POLH: variants seen among roughly 807,000 people sequenced by gnomAD.
POLH encodes DNA polymerase eta.
In POLH, 53 loss-of-function variants were observed where a neutral mutation model predicts 73.6. The observed-to-expected ratio is 0.72, with a 90% CI of 0.58 to 0.91. POLH has a LOEUF of 0.91. Among genes scored for constraint, POLH ranks in the 40% least tolerant of loss-of-function variants. The pLI, the probability that POLH is intolerant of heterozygous loss-of-function variation, is 0.00. For synonymous variants in POLH, 292 were observed against 308.5 expected, an observed-to-expected ratio of 0.95 and a Z score of 0.56; for missense variants, 768 against 865.4, an observed-to-expected ratio of 0.89 and a Z score of 1.41.
chr6:43,608,957 T>C (rs1767591635), intron 9 of POLH, among the ~76,000 whole-genome samples: 1 of 152,236 alleles, frequency 6.6e-6, no homozygotes, highest in Non-Finnish European at 1.5e-5. Flanking sequence ...TCCACTTCAC[T>C]GGCCTCCTTC....
At chr6:43,606,716 A>T (rs1460989012) in intron 9 of POLH, among the ~76,000 whole-genome samples, 1 of 152,200 alleles carries the variant, frequency 6.6e-6, no homozygotes, top group Non-Finnish European at 1.5e-5. Context: ...GGCATGAGCC[A>T]CCGCACCCGG....
rs568366057 is a variant in POLH, at chr6:43,617,743, C to A, written c.*3186C>A. Among the ~76,000 whole-genome samples, 1 of 152,222 alleles carries A rather than the reference C, an allele frequency of 6.6e-6. No homozygotes were observed. Among genetic ancestry groups the A allele is most frequent in the South Asian group, 2.1e-4 (1 of 4,822 alleles). ...AAGAGATCAAGGCCATCCTGGCCAA[C>A]ATGGTGAAACCCCGTCTCTACTGAA... On this transcript the variant is annotated 3_prime_UTR_variant, in exon 11 of 11. Transcript: ENST00000372236.
At position 43,614,408 on chromosome 6, in the gene POLH, C is replaced by A; in HGVS notation, c.1993C>A (p.Gln665Lys). ...ATTGGAGTTGCAGAAATCCTTTTTG[C>A]AGCCCCACTCTTCAAACCCCCAGGT... is the stretch of plus-strand genomic sequence containing the variant. ...FALELQKSFL[Q>K]PHSSNPQVVS... The change falls in exon 11 of 11, where the codon CAG (glutamine) becomes AAG (lysine). Residue 665 changes from glutamine (Q) to lysine (K), a missense_variant. Coordinates refer to ENST00000372236, the MANE Select transcript of POLH (RefSeq NM_006502.3). 1 of 1,614,098 alleles carries A rather than the reference C, an allele frequency of 6.2e-7. No homozygotes were observed. The highest frequency in any genetic ancestry group is 8.5e-7 in the Non-Finnish European group (1 of 1,180,004).
Position 43,604,881 on chromosome 6 carries a change from T to C in POLH, c.1008+143T>C, listed in dbSNP as rs1440093956. 6 of 872,620 alleles carry C rather than the reference T, an allele frequency of 6.9e-6. No individual in the cohort carries two copies. In the Admixed American group the frequency reaches 1.2e-4, roughly 18 times the overall value. The allele number at this position is 872,620 out of a possible 1,614,324, so 54.1% of individuals were successfully genotyped here. A position where few individuals can be genotyped will look rare whatever the true frequency, so the allele number is the denominator to read the frequency against. On this transcript the variant is annotated intron_variant, in intron 8 of 10. Coordinates refer to ENST00000372236, the MANE Select transcript of POLH (RefSeq NM_006502.3). Reference sequence around the variant, plus strand: ...GATGTTCTGTCCTTGGGTTGAAAATTGACTAGTTTATGATTATTACTTTTT... The same window carrying C: ...GATGTTCTGTCCTTGGGTTGAAAATCGACTAGTTTATGATTATTACTTTTT...
intron 4 of POLH, among the ~76,000 whole-genome samples, chr6:43,596,765 GTTC>G (rs9333538): frequency 0.036 from 5,468 of 152,254 alleles, 337 homozygotes; most frequent in African/African-American, 0.12. Context: ...GTCAGGAAAA[GTTC>G]TTCTGTAGGG....
chr6:43,599,218 A>G (rs1222978354), intron 5 of POLH, among the ~76,000 whole-genome samples: 2 of 151,834 alleles, frequency 1.3e-5, no homozygotes, highest in Admixed American at 1.3e-4. Flanking sequence ...GGAACTCCTG[A>G]CCTCAAGTGA....
chr6:43,597,395 G>A (rs1049551168), intron 4 of POLH, among the ~76,000 whole-genome samples: 7 of 152,190 alleles, frequency 4.6e-5, no homozygotes, highest in East Asian at 3.8e-4. Context: ...GATTACAGGC[G>A]TGAGCCACCG....
chr6:43,600,519 A>G lies in POLH; in HGVS notation c.661-469A>G, dbSNP rs146466134. On this transcript the variant is annotated intron_variant, in intron 5 of 10. Coordinates refer to ENST00000372236, the MANE Select transcript of POLH (RefSeq NM_006502.3). ...GAGGGTGGTTTTGAGCCCAATCTCTATAACAGATACTATATTATGATAATT... is the reference window on the plus strand; with the variant it reads ...GAGGGTGGTTTTGAGCCCAATCTCTGTAACAGATACTATATTATGATAATT... Among the ~76,000 whole-genome samples, 43 of 152,360 alleles carry G rather than the reference A, an allele frequency of 2.8e-4. 1 individual carries two copies. In the East Asian group the frequency reaches 6.4e-3, roughly 23 times the overall value.
At chr6:43,577,856 G>A (rs1246920329) in intron 1 of POLH, among the ~76,000 whole-genome samples, 2 of 152,054 alleles carry the variant, frequency 1.3e-5, no homozygotes, top group African/African-American at 2.4e-5. Context: ...AGGCCGAGGC[G>A]GGCGGATCAC....
rs564401345 is a variant in POLH, at chr6:43,587,539, T to C, written c.490+50T>C. On this transcript the variant is annotated intron_variant, in intron 4 of 10. Transcript: ENST00000372236. Reference sequence around the variant, plus strand: ...TCTGCTTCCTGCCTTTGGAACCTGCTTTGCTTGGTCATGCTGATTCTCCTT... The same window carrying C: ...TCTGCTTCCTGCCTTTGGAACCTGCCTTGCTTGGTCATGCTGATTCTCCTT... 6.9e-6 allele frequency: 9 copies of C among 1,299,128 alleles called. No homozygotes were observed. The African/African-American group carries it at 1.0e-4, about 15-fold the overall frequency. 80.5% of individuals were successfully genotyped at this position (1,299,128 alleles called of 1,614,324 possible).
In POLH at chr6:43,582,948, C is replaced by G. The variant is rs2307463; in HGVS notation, c.138-59C>G. On this transcript the variant is annotated intron_variant, in intron 2 of 10. Transcript: ENST00000372236. The stretch of plus-strand genomic sequence containing the variant: ...TATAGATTACTTGTGTTAAATGTTA[C>G]TTGTTTTTGCTTGTGATCATATAAT... 829 of 1,428,996 alleles carry G rather than the reference C, an allele frequency of 5.8e-4. 7 individuals carry two copies. In the African/African-American group the frequency reaches 9.7e-3, roughly 17 times the overall value. 88.5% of individuals were successfully genotyped at this position (1,428,996 alleles called of 1,614,324 possible). A position where few individuals can be genotyped will look rare whatever the true frequency, so the allele number is the denominator to read the frequency against.
rs529700299 is a variant in POLH at position 43,617,002 on chromosome 6, C to T, written c.*2445C>T. Reference sequence around the variant, plus strand: ...GTCAGGAGTTCAAGACAAGCATGGCCAACATGGCGAAACCCTGTATCTACT... The same window carrying T: ...GTCAGGAGTTCAAGACAAGCATGGCTAACATGGCGAAACCCTGTATCTACT... On this transcript the variant is annotated 3_prime_UTR_variant, in exon 11 of 11. Coordinates refer to ENST00000372236, the MANE Select transcript of POLH (RefSeq NM_006502.3). 6.6e-6 allele frequency among the ~76,000 whole-genome samples: 1 copy of T among 152,272 alleles called. No homozygotes were observed. The highest frequency in any genetic ancestry group is 1.5e-5 in the Non-Finnish European group (1 of 68,024).
At position 43,576,258 on chromosome 6, in the gene POLH, C is replaced by A. The variant is rs546701575; in HGVS notation, c.-187C>A. 4.8e-5 allele frequency: 8 copies of A among 168,292 alleles called. 1 individual carries two copies. In the South Asian group the frequency reaches 1.4e-3, roughly 30 times the overall value. The allele number at this position is 168,292 out of a possible 1,614,324, so 10.4% of individuals were successfully genotyped here. A position where few individuals can be genotyped will look rare whatever the true frequency, so the allele number is the denominator to read the frequency against. On this transcript the variant is annotated 5_prime_UTR_variant, in exon 1 of 11. Transcript: ENST00000372236. ...TGGGGACGGTTGCCCGGGCAGGATC[C>A]TTTACGATCCCTTCTCGGTTTCTCC...
rs145428094 is a variant in POLH at position 43,606,223 on chromosome 6, C to T, written c.1074+904C>T. On this transcript the variant is annotated intron_variant, in intron 9 of 10. Transcript: ENST00000372236. Reference sequence around the variant, plus strand: ...ATAGAATTTTATTAACTATAGTCCTCACTTGTACATTAGCTCAATAGACTT... The same window carrying T: ...ATAGAATTTTATTAACTATAGTCCTTACTTGTACATTAGCTCAATAGACTT... Among the ~76,000 whole-genome samples the T allele has an allele frequency of 5.0e-3, 752 of 151,894 alleles. 5 individuals are homozygous for T. Among genetic ancestry groups the T allele is most frequent in the African/African-American group, 0.017 (685 of 41,446 alleles).
At chr6:43,609,605 C>T (rs1767663624) in intron 9 of POLH, among the ~76,000 whole-genome samples, 1 of 152,178 alleles carries the variant, frequency 6.6e-6, no homozygotes, top group Non-Finnish European at 1.5e-5. Context: ...CTTGCTCTCT[C>T]AAGGCAGGCT....
In POLH at chr6:43,604,371, T is replaced by C. The variant is rs532110354; in HGVS notation, c.885-244T>C. On this transcript the variant is annotated intron_variant, in intron 7 of 10. Coordinates refer to ENST00000372236, the MANE Select transcript of POLH (RefSeq NM_006502.3). ...GAATCAGTGGCTTGCTTGGCATTTT[T>C]CCAAAAATACAAATGATGACTTGGC... Among the ~76,000 whole-genome samples the C allele has an allele frequency of 3.1e-3, 473 of 152,336 alleles. 1 individual carries two copies. The highest frequency in any genetic ancestry group is 0.029 in the South Asian group (142 of 4,830).
At chr6:43,578,594 GTAAAGTA>G (rs1763662864) in intron 1 of POLH, 1 of 263,164 alleles carries the variant, frequency 3.8e-6, no homozygotes. Context: ...TTGGGGGGCA[GTAAAGTA>G]TGTAGTTAAT....
Position 43,614,072 on chromosome 6 carries a change from C to A in POLH, c.1657C>A (p.Gln553Lys). 1.9e-6 allele frequency: 3 copies of A among 1,614,196 alleles called. No individual in the cohort carries two copies. Among genetic ancestry groups the A allele is most frequent in the Non-Finnish European group, 2.5e-6 (3 of 1,180,034 alleles). ...QLNNSSVSSPQQNPWSNCKAL... is the reference protein window; with the variant it reads ...QLNNSSVSSPKQNPWSNCKAL... ...TAATAATTCTTCAGTTTCTTCCCCC[C>A]AACAAAACCCATGGTCCAACTGTAA... is the stretch of plus-strand genomic sequence containing the variant. Residue 553 changes from glutamine to lysine, a missense_variant, in exon 11 of 11, where the codon CAA (glutamine) becomes AAA (lysine). Gln to Lys is a moderately conservative substitution (Grantham distance 53). Coordinates refer to ENST00000372236, the MANE Select transcript of POLH (RefSeq NM_006502.3).
chr6:43,597,294 T>C (rs1181316015), intron 4 of POLH, among the ~76,000 whole-genome samples: 1 of 152,124 alleles, frequency 6.6e-6, no homozygotes, highest in Non-Finnish European at 1.5e-5. Flanking sequence ...TTTGTATTTT[T>C]AGTAGAGACG....
Sources: gnomAD v4.1 joint callset for allele counts (sites outside exome capture counted in the v4.1 genomes callset) on GRCh38, gnomAD v4.1.1 for gene constraint, MANE v1.5 for transcripts, NCBI Gene and HGNC (gene_info 2026-07-23, HGNC 2026-07-21) for gene names.